ABLIM2: variants seen among roughly 807,000 people sequenced by gnomAD.
ABLIM2 encodes actin-binding LIM protein 2.
In ABLIM2, 53 loss-of-function variants were observed where a neutral mutation model predicts 97.7. The ratio of observed to expected loss-of-function variants is 0.54; its 90% confidence interval spans 0.44 to 0.68. ABLIM2 has a LOEUF of 0.68. Among genes scored for constraint, ABLIM2 ranks in the 30% least tolerant of loss-of-function variants. The probability of loss-of-function intolerance (pLI) is 0.00; values close to 1 mark genes in which losing one functional copy is unlikely to be tolerated. For synonymous variants in ABLIM2, 361 were observed against 345.8 expected (o/e 1.04, Z -0.49); for missense variants, 835 against 867.2 (o/e 0.96, Z 0.47).
intron 2 of ABLIM2, among the ~76,000 whole-genome samples, chr4:8,098,627 G>T (rs926253969): frequency 2.6e-5 from 4 of 152,298 alleles, no homozygotes; most frequent in Middle Eastern, 6.8e-3. Context: ...GAGCAGCTTA[G>T]ATTCCAGATG....
At position 8,003,771 on chromosome 4, in the gene ABLIM2, G is replaced by C. The variant is rs1759023230; in HGVS notation, c.1618+4288C>G. Among the ~76,000 whole-genome samples the C allele has an allele frequency of 6.6e-6, 1 of 151,928 alleles. No individual in the cohort carries two copies. The highest frequency in any genetic ancestry group is 6.6e-5 in the Admixed American group (1 of 15,256). ...GTAGAGACGGGGTTTCACCATGTTG[G>C]TCAGGCTGGTCTCGAACTCCTGACC... On this transcript the variant is annotated intron_variant, in intron 16 of 20. Transcript: ENST00000447017. This position sits in a 1 kb window ranked among gnomAD's most constrained non-coding sequence, Gnocchi z 4.2.
At chr4:8,084,028 G>C (rs1821627302) in intron 4 of ABLIM2, among the ~76,000 whole-genome samples, 1 of 152,008 alleles carries the variant, frequency 6.6e-6, no homozygotes, top group Admixed American at 6.6e-5. Context: ...AGGTCTAACT[G>C]GGGGTCAGGG....
intron 1 of ABLIM2, among the ~76,000 whole-genome samples, chr4:8,142,788 GT>G (rs1301982783): frequency 2.0e-5 from 3 of 152,178 alleles, no homozygotes; most frequent in Non-Finnish European, 4.4e-5. Context: ...AGCACCAATT[GT>G]CCCCTCTCTG....
rs1748715293 is a variant in ABLIM2 at position 7,991,532 on chromosome 4, GTC to G, written c.1680+1332_1680+1333del. ...TAACATTGAGCTCAGGGATTTGCAC[GTC>G]TTTTGGTGTCGTAGGAGTCCTGTGG... On this transcript the variant is annotated intron_variant, in intron 17 of 20. Transcript: ENST00000447017. 2.4e-5 allele frequency among the ~76,000 whole-genome samples: 3 copies of G among 126,508 alleles called. No homozygotes were observed. In the Admixed American group the frequency reaches 2.4e-4, roughly 10 times the overall value. 83.0% of individuals were successfully genotyped at this position (126,508 alleles called of 152,430 possible).
chr4:8,146,275 C>T (rs1274918713), intron 1 of ABLIM2, among the ~76,000 whole-genome samples: 2 of 152,182 alleles, frequency 1.3e-5, no homozygotes, highest in African/African-American at 4.8e-5. Flanking sequence ...AATAACAACA[C>T]GAAGATATGG....
In ABLIM2 at chr4:8,107,288, G is replaced by A. The variant is rs116695148; in HGVS notation, c.11-651C>T. ...CCTGACTGTGGGGCTCCCGGGGACC[G>A]GGCAGGGGGACACACTCCTCATCCC... On this transcript the variant is annotated intron_variant, in intron 1 of 20. Transcript: ENST00000447017. Among the ~76,000 whole-genome samples the A allele has an allele frequency of 9.3e-3, 1,418 of 152,328 alleles. 9 individuals carry two copies. Among genetic ancestry groups the A allele is most frequent in the Non-Finnish European group, 0.015 (990 of 68,030 alleles).
Position 8,033,425 on chromosome 4 carries a change from G to A in ABLIM2, c.1047+2724C>T, listed in dbSNP as rs926319967. Among the ~76,000 whole-genome samples, 1 of 152,224 alleles carries A rather than the reference G, an allele frequency of 6.6e-6. No homozygotes were observed. Among genetic ancestry groups the A allele is most frequent in the Non-Finnish European group, 1.5e-5 (1 of 68,034 alleles). On this transcript the variant is annotated intron_variant, in intron 10 of 20. Coordinates refer to ENST00000447017, the MANE Select transcript of ABLIM2 (RefSeq NM_001130083.2). This position sits in a 1 kb window ranked among gnomAD's most constrained non-coding sequence, Gnocchi z 4.5. ...TGCCATGGGAGGTGGGAAGCTGAAG[G>A]CCATGGGTGGAATGATGGAATCAAG... is the stretch of plus-strand genomic sequence containing the variant.
intron 20 of ABLIM2, among the ~76,000 whole-genome samples, chr4:7,979,939 C>T (rs888490600): frequency 6.6e-6 from 1 of 152,090 alleles, no homozygotes; most frequent in Non-Finnish European, 1.5e-5. Flanking sequence ...AGATTTAGAG[C>T]CTGAGAGAGG....
Position 7,966,866 on chromosome 4 carries a change from CTCCCGCCCA to C in ABLIM2, c.*115_*123del. The C allele has an allele frequency of 4.9e-6, 1 of 203,664 alleles. No homozygotes were observed. The highest frequency in any genetic ancestry group is 9.9e-6 in the Non-Finnish European group (1 of 101,384). The allele number at this position is 203,664 out of a possible 1,614,324, so 12.6% of individuals were successfully genotyped here. A position where few individuals can be genotyped will look rare whatever the true frequency, so the allele number is the denominator to read the frequency against. ...GGGGCCGCACCTGCTGGGGGACCCC[CTCCCGCCCA>C]CCCCATGGACACAGAGAAGCCAGAG... On this transcript the variant is annotated 3_prime_UTR_variant, in exon 21 of 21. Coordinates refer to ENST00000447017, the MANE Select transcript of ABLIM2 (RefSeq NM_001130083.2).
At chr4:8,103,961 G>A (rs1020166812) in intron 2 of ABLIM2, among the ~76,000 whole-genome samples, 10 of 152,234 alleles carry the variant, frequency 6.6e-5, no homozygotes, top group African/African-American at 2.2e-4. Context: ...CAGAAATGTG[G>A]CAAATGTATC....
At chr4:8,129,709 C>T (rs1224113773) in intron 1 of ABLIM2, among the ~76,000 whole-genome samples, 1 of 151,452 alleles carries the variant, frequency 6.6e-6, no homozygotes, top group Non-Finnish European at 1.5e-5. Flanking sequence ...GCCAGTGGGG[C>T]TGGGAGCAGA....
chr4:8,058,363 T>A lies in ABLIM2; in HGVS notation c.763+2604A>T, dbSNP rs1800676194. Among the ~76,000 whole-genome samples, 1 of 152,094 alleles carries A rather than the reference T, an allele frequency of 6.6e-6. No homozygotes were observed. The highest frequency in any genetic ancestry group is 1.5e-5 in the Non-Finnish European group (1 of 68,004). On this transcript the variant is annotated intron_variant, in intron 7 of 20. Coordinates refer to ENST00000447017, the MANE Select transcript of ABLIM2 (RefSeq NM_001130083.2). This position sits in a 1 kb window ranked among gnomAD's most constrained non-coding sequence, Gnocchi z 4.2. Reference sequence around the variant, plus strand: ...TGACATCACCCCGCTGGGTTCGGCCTGAGAAAGGCAGGCCTGTGTGATCCA... The same window carrying A: ...TGACATCACCCCGCTGGGTTCGGCCAGAGAAAGGCAGGCCTGTGTGATCCA...
At chr4:8,074,196 C>A (rs1814424001) in intron 6 of ABLIM2, among the ~76,000 whole-genome samples, 1 of 151,488 alleles carries the variant, frequency 6.6e-6, no homozygotes, top group South Asian at 2.1e-4. Context: ...GCTCACACCC[C>A]TAATCCCAGC....
intron 12 of ABLIM2, among the ~76,000 whole-genome samples, chr4:8,024,130 G>A (rs987881608): frequency 7.2e-5 from 11 of 152,186 alleles, no homozygotes; most frequent in South Asian, 4.1e-4. Context: ...GTGCGGGCCT[G>A]GACCTGAGGC....
rs1017816155 is a variant in ABLIM2, at chr4:8,001,861, G to A, written c.1618+6198C>T. 1.3e-5 allele frequency among the ~76,000 whole-genome samples: 2 copies of A among 152,124 alleles called. No homozygotes were observed. Among genetic ancestry groups the A allele is most frequent in the Non-Finnish European group, 2.9e-5 (2 of 68,024 alleles). Reference sequence around the variant, plus strand: ...CTGGGCGCTCCTCCCCACTTCCTCTGTGGAATCTCCTGCCCCCCGATGGCA... The same window carrying A: ...CTGGGCGCTCCTCCCCACTTCCTCTATGGAATCTCCTGCCCCCCGATGGCA... On this transcript the variant is annotated intron_variant, in intron 16 of 20. Coordinates refer to ENST00000447017, the MANE Select transcript of ABLIM2 (RefSeq NM_001130083.2). This position sits in a 1 kb window ranked among gnomAD's most constrained non-coding sequence, Gnocchi z 4.2.
chr4:8,091,876 A>AT (rs1828953319), intron 3 of ABLIM2, among the ~76,000 whole-genome samples: 1 of 115,342 alleles, frequency 8.7e-6, no homozygotes, highest in Non-Finnish European at 1.7e-5. Flanking sequence ...TATACAATAT[A>AT]TATTATAATA....
Position 8,005,963 on chromosome 4 carries a change from G to A in ABLIM2, c.1618+2096C>T, listed in dbSNP as rs1240896020. Among the ~76,000 whole-genome samples the A allele has an allele frequency of 2.0e-5, 3 of 152,192 alleles. No individual in the cohort carries two copies. Among genetic ancestry groups the A allele is most frequent in the African/African-American group, 4.8e-5 (2 of 41,458 alleles). On this transcript the variant is annotated intron_variant, in intron 16 of 20. Coordinates refer to ENST00000447017, the MANE Select transcript of ABLIM2 (RefSeq NM_001130083.2). The surrounding 1 kb of genome is among the most constrained non-coding windows in gnomAD (Gnocchi z 4.9). Reference sequence around the variant, plus strand: ...CCAGCATGCCAGGATGGAGGCAGCCGCAGCCTGCGTGCATCTGCACAGGCA... The same window carrying A: ...CCAGCATGCCAGGATGGAGGCAGCCACAGCCTGCGTGCATCTGCACAGGCA...
rs1768430358 is a variant in ABLIM2 at position 8,015,615 on chromosome 4, G to A, written c.1423+4003C>T. ...GGCACAAAGACACAGGGAACAACGT[G>A]TGTCCCGTGGGGTCACTTCCACTGT... On this transcript the variant is annotated intron_variant, in intron 14 of 20. Transcript: ENST00000447017. The surrounding 1 kb of genome is among the most constrained non-coding windows in gnomAD (Gnocchi z 4.6). Among the ~76,000 whole-genome samples the A allele has an allele frequency of 6.6e-6, 1 of 152,206 alleles. No homozygotes were observed. The highest frequency in any genetic ancestry group is 1.5e-5 in the Non-Finnish European group (1 of 68,036).
rs1762571449 is a variant in ABLIM2, at chr4:8,008,097, T to C, written c.1580A>G (p.Asp527Gly). 6.2e-7 allele frequency: 1 copy of C among 1,613,894 alleles called. No individual in the cohort carries two copies. The highest frequency in any genetic ancestry group is 8.5e-7 in the Non-Finnish European group (1 of 1,179,882). Residue 527 changes from aspartate to glycine, a missense_variant, in exon 16 of 21, where the codon GAC (aspartate) becomes GGC (glycine). Coordinates refer to ENST00000447017, the MANE Select transcript of ABLIM2 (RefSeq NM_001130083.2). ...SLSHSSGTDR[D>G]PLQRMAGDSF... ...GTCCCCTGCCATCCTTTGGAGAGGG[T>C]CTCTGTCGGTCCCGCTGCTGTGGGA...
Sources: gnomAD v4.1 joint callset for allele counts (sites outside exome capture counted in the v4.1 genomes callset) on GRCh38, gnomAD v4.1.1 for gene constraint, Gnocchi (gnomAD v3.1) non-coding constraint, MANE v1.5 for transcripts, NCBI Gene and HGNC (gene_info 2026-07-23, HGNC 2026-07-21) for gene names.